The following PCLO variants were observed in gnomAD, a reference collection of about 807,000 sequenced individuals.
The protein encoded by PCLO is piccolo presynaptic cytomatrix protein.
PCLO carries 82 observed loss-of-function variants against 427.5 expected under a neutral mutation model. That is an observed-to-expected ratio of 0.19 (90% CI 0.16 to 0.23). The LOEUF (loss-of-function observed/expected upper bound fraction) is 0.23, where lower values mean the gene tolerates loss of function less well. Among genes scored for constraint, PCLO ranks in the 10% least tolerant of loss-of-function variants. The probability of loss-of-function intolerance (pLI) is 1.00; values close to 1 mark genes in which losing one functional copy is unlikely to be tolerated. For missense variants in PCLO, 6,239 were observed against 6,115.9 expected, an observed-to-expected ratio of 1.02 and a Z score of -0.67; for synonymous variants, 2,357 against 2,155.4, an observed-to-expected ratio of 1.09 and a Z score of -2.59.
intron 3 of PCLO, among the ~76,000 whole-genome samples, chr7:83,010,998 C>T (rs967776563): frequency 5.9e-5 from 9 of 151,892 alleles, no homozygotes; most frequent in African/African-American, 1.9e-4. Context: ...TTTCCACTGC[C>T]GAACTATATG....
At chr7:83,105,460 T>A (rs1270155307) in intron 3 of PCLO, among the ~76,000 whole-genome samples, 1 of 152,192 alleles carries the variant, frequency 6.6e-6, no homozygotes, top group Non-Finnish European at 1.5e-5. Context: ...TACATGTTAA[T>A]CTCATCAGAA....
chr7:82,779,626 A>T (rs562182944), intron 22 of PCLO, among the ~76,000 whole-genome samples: 65 of 151,932 alleles, frequency 4.3e-4, no homozygotes, highest in African/African-American at 1.3e-3. Flanking sequence ...CAAACAGGAA[A>T]TTTTTTTTCT....
chr7:82,895,685 TTTGTGACAATAG>T (rs1300824878), intron 9 of PCLO, among the ~76,000 whole-genome samples: 1 of 151,944 alleles, frequency 6.6e-6, no homozygotes, highest in African/African-American at 2.4e-5. Context: ...GATGAATACA[TTTGTGACAATAG>T]TTATAAAACA....
chr7:82,847,124 T>C lies in PCLO; in HGVS notation c.13763+15A>G. On this transcript the variant is annotated intron_variant, in intron 11 of 24. Coordinates refer to ENST00000333891, the MANE Select transcript of PCLO (RefSeq NM_033026.6). ...TAGCCAAAAAATGGAAACAGAAAGA[T>C]GGGGAAAAACTCACAGTCTTACACA... 1 of 1,418,214 alleles carries C rather than the reference T, an allele frequency of 7.1e-7. No homozygotes were observed. Among genetic ancestry groups the C allele is most frequent in the Non-Finnish European group, 9.9e-7 (1 of 1,010,312 alleles). The allele number at this position is 1,418,214 out of a possible 1,614,324, so 87.9% of individuals were successfully genotyped here. A position where few individuals can be genotyped will look rare whatever the true frequency, so the allele number is the denominator to read the frequency against.
chr7:82,913,331 TTCA>T (rs1794367845), intron 7 of PCLO, among the ~76,000 whole-genome samples: 1 of 152,052 alleles, frequency 6.6e-6, no homozygotes, highest in African/African-American at 2.4e-5. Flanking sequence ...TAAAATCTTA[TTCA>T]TCTAGACAAA....
intron 3 of PCLO, among the ~76,000 whole-genome samples, chr7:83,082,078 A>AAAT (rs1790114724): frequency 6.6e-6 from 1 of 151,524 alleles, no homozygotes; most frequent in Non-Finnish European, 1.5e-5. Flanking sequence ...ATTTCCTAAG[A>AAAT]AATTTTCCTC....
intron 3 of PCLO, among the ~76,000 whole-genome samples, chr7:83,072,042 TTTTG>T (rs1789829751): frequency 6.6e-6 from 1 of 152,076 alleles, no homozygotes; most frequent in Non-Finnish European, 1.5e-5. Flanking sequence ...TTAATTTATA[TTTTG>T]TTTGTTAAAA....
chr7:82,944,877 C>A (rs1251765228), intron 6 of PCLO, among the ~76,000 whole-genome samples: 1 of 152,134 alleles, frequency 6.6e-6, no homozygotes, highest in East Asian at 1.9e-4. Flanking sequence ...TACAAATAAA[C>A]CTTTGATCAT....
intron 6 of PCLO, among the ~76,000 whole-genome samples, chr7:82,941,497 G>C (rs909996736): frequency 6.6e-6 from 1 of 152,054 alleles, no homozygotes; most frequent in Non-Finnish European, 1.5e-5. Flanking sequence ...GTGTGCAAAG[G>C]ACACTGATGT....
At chr7:83,069,314 T>C (rs527763068) in intron 3 of PCLO, among the ~76,000 whole-genome samples, 3 of 152,274 alleles carry the variant, frequency 2.0e-5, no homozygotes, top group Non-Finnish European at 4.4e-5. Flanking sequence ...TACTGTATCA[T>C]TGATTCATTT....
At chr7:83,033,331 T>C (rs574606682) in intron 3 of PCLO, among the ~76,000 whole-genome samples, 2 of 152,322 alleles carry the variant, frequency 1.3e-5, no homozygotes, top group South Asian at 4.1e-4. Flanking sequence ...CTAAAAATGA[T>C]AGTTATATTA....
At chr7:82,906,292 T>C (rs889499098) in intron 8 of PCLO, among the ~76,000 whole-genome samples, 1 of 152,068 alleles carries the variant, frequency 6.6e-6, no homozygotes, top group Non-Finnish European at 1.5e-5. Flanking sequence ...TCCAAAGCAT[T>C]TTATGAATAT....
intron 9 of PCLO, among the ~76,000 whole-genome samples, chr7:82,895,633 G>C (rs750328569): frequency 1.3e-5 from 2 of 151,750 alleles, no homozygotes. Context: ...ATAATAAAGG[G>C]CTTCACTGTG....
chr7:82,822,170 T>C (rs1029892315), intron 20 of PCLO: 7 of 1,116,944 alleles, frequency 6.3e-6, no homozygotes, highest in Non-Finnish European at 7.7e-6. Flanking sequence ...CTAAAAGATA[T>C]TTAAGCGCAA....
chr7:82,923,222 A>G (rs995151110), intron 6 of PCLO, among the ~76,000 whole-genome samples: 6 of 152,144 alleles, frequency 3.9e-5, no homozygotes, highest in African/African-American at 1.4e-4. Flanking sequence ...TTTAAACAGG[A>G]GAATGCATTC....
chr7:82,891,181 G>A (rs908470801), intron 9 of PCLO, among the ~76,000 whole-genome samples: 1 of 152,082 alleles, frequency 6.6e-6, no homozygotes, highest in East Asian at 1.9e-4. Context: ...TATTGCCAGT[G>A]TTGGAAATTC....
chr7:83,154,585 T>A (rs1464177348), intron 2 of PCLO, among the ~76,000 whole-genome samples, 163 bp downstream of exon 2: 1 of 151,882 alleles, frequency 6.6e-6, no homozygotes, highest in Non-Finnish European at 1.5e-5. Context: ...GTCAGAGAAA[T>A]GTTAAAAAAA....
intron 3 of PCLO, among the ~76,000 whole-genome samples, chr7:83,001,087 T>C (rs1337268022): frequency 3.9e-5 from 6 of 152,072 alleles, no homozygotes; most frequent in Non-Finnish European, 7.4e-5. Context: ...ATAATGTATT[T>C]AGTAGGGTTT....
intron 3 of PCLO, among the ~76,000 whole-genome samples, chr7:83,076,652 T>C (rs56012160): frequency 6.7e-6 from 1 of 149,546 alleles, no homozygotes; most frequent in Non-Finnish European, 1.5e-5. Flanking sequence ...AGTTTTTTTT[T>C]ATTATACTTT....
Sources: allele counts gnomAD v4.1 joint callset (sites outside exome capture counted in the v4.1 genomes callset), GRCh38; gene constraint gnomAD v4.1.1; transcripts MANE v1.5; gene names NCBI Gene and HGNC (gene_info 2026-07-23, HGNC 2026-07-21).